The following KLRG1 variants were observed in gnomAD, a reference collection of about 807,000 sequenced individuals.
The protein encoded by KLRG1 is killer cell lectin like receptor G1.
KLRG1 carries 16 observed loss-of-function variants against 21.8 expected under a neutral mutation model. The ratio of observed to expected loss-of-function variants is 0.73; its 90% CI spans 0.50 to 1.11. The LOEUF (loss-of-function observed/expected upper bound fraction) is 1.11. Among genes scored for constraint, KLRG1 ranks in the 50% most tolerant of loss-of-function variants. The pLI is 0.00. For missense variants in KLRG1, 173 were observed against 218.3 expected (o/e 0.79, Z 1.31); for synonymous variants, 69 against 75.9 (o/e 0.91, Z 0.47).
chr12:9,170,695 G>T, the KLRG1 span, among the ~76,000 whole-genome samples: 4 of 152,194 alleles, frequency 2.6e-5, no homozygotes, highest in African/African-American at 9.7e-5. This position sits in a 1 kb window ranked among gnomAD's most constrained non-coding sequence, Gnocchi z 4.6. Flanking sequence ...ATGAGGAACG[G>T]TCCCCCACGA....
At chr12:9,092,244 T>C in the KLRG1 span, among the ~76,000 whole-genome samples, 1 of 152,068 alleles carries the variant, frequency 6.6e-6, no homozygotes, top group Non-Finnish European at 1.5e-5. Flanking sequence ...GAATAATTTG[T>C]CTATGCATCA....
At chr12:9,196,362 G>C in the KLRG1 span, 1 of 1,612,890 alleles carries the variant, frequency 6.2e-7, no homozygotes, top group Non-Finnish European at 8.5e-7. Flanking sequence ...TGTCTAAAGT[G>C]TGAATCCACT....
At chr12:9,131,488 G>T in the KLRG1 span, among the ~76,000 whole-genome samples, 3 of 151,914 alleles carry the variant, frequency 2.0e-5, no homozygotes, top group African/African-American at 4.8e-5. Context: ...TGTTATTCTA[G>T]TTATCACTTC....
chr12:9,047,489 G>T, the KLRG1 span, among the ~76,000 whole-genome samples: 124 of 152,236 alleles, frequency 8.1e-4, 1 homozygote, highest in African/African-American at 2.9e-3. Flanking sequence ...GTTAAAATCT[G>T]AGAAGGCAAA....
chr12:9,011,843 G>A (rs1947636187), downstream of KLRG1, among the ~76,000 whole-genome samples: 1 of 152,150 alleles, frequency 6.6e-6, no homozygotes, highest in Admixed American at 6.6e-5. Flanking sequence ...ATGGGACTTT[G>A]CAGTGGAACT....
chr12:9,074,770 A>G, the KLRG1 span: 1 of 1,612,636 alleles, frequency 6.2e-7, no homozygotes, highest in Non-Finnish European at 8.5e-7. Flanking sequence ...GGCGCTCCCA[A>G]TGGACAGAGT....
the KLRG1 span, chr12:9,153,108 T>A: frequency 6.2e-7 from 1 of 1,613,142 alleles, no homozygotes; most frequent in Admixed American, 1.7e-5. Context: ...CTCACCCATA[T>A]AAGCTTGGAG....
chr12:8,953,236 A>C (rs1946235326), intron 1 of KLRG1, among the ~76,000 whole-genome samples: 1 of 152,166 alleles, frequency 6.6e-6, no homozygotes, highest in Admixed American at 6.5e-5. Context: ...CGGAGAGGGG[A>C]TGTGGTAGGT....
intron 1 of KLRG1, among the ~76,000 whole-genome samples, chr12:8,981,524 A>G (rs1422087175): frequency 1.3e-5 from 2 of 151,950 alleles, no homozygotes; most frequent in African/African-American, 4.8e-5. Context: ...GTTATTCTTC[A>G]AAGTGGGTAT....
chr12:9,049,884 C>T, the KLRG1 span, among the ~76,000 whole-genome samples: 1,135 of 152,234 alleles, frequency 7.5e-3, 24 homozygotes, highest in African/African-American at 0.026. Flanking sequence ...ATATGCTATA[C>T]GTGTCTTATG....
the KLRG1 span, chr12:9,151,606 G>C: frequency 6.2e-7 from 1 of 1,613,284 alleles, no homozygotes. Context: ...GCCCTCACCT[G>C]TTCCACATAA....
the KLRG1 span, chr12:9,164,078 T>C: frequency 6.5e-7 from 1 of 1,538,878 alleles, no homozygotes. Context: ...AAAAAAGTAC[T>C]CAGACAGCCA....
the KLRG1 span, chr12:9,109,734 G>A: frequency 1.2e-6 from 1 of 840,746 alleles, no homozygotes; most frequent in East Asian, 2.5e-5. Context: ...ATTGGACTTA[G>A]GTGTAATTAA....
chr12:9,023,563 C>CCTTTTTTTTTTTAAGAGATGGT, the KLRG1 span, among the ~76,000 whole-genome samples: 1 of 150,844 alleles, frequency 6.6e-6, no homozygotes, highest in African/African-American at 2.4e-5. Context: ...ACTTTTTTTT[C>CCTTTTTTTTTTTAAGAGATGGT]CTTTTTTTTT....
chr12:9,169,036 T>G, the KLRG1 span: 1 of 1,238,280 alleles, frequency 8.1e-7, no homozygotes, highest in Non-Finnish European at 1.2e-6. Flanking sequence ...AAACATATTA[T>G]CCTTAGAGAC....
chr12:9,127,944 C>T, the KLRG1 span: 3 of 341,148 alleles, frequency 8.8e-6, no homozygotes, highest in Non-Finnish European at 1.8e-5. Context: ...TGAGAACTCC[C>T]GGATTGTCTT....
At chr12:9,099,421 T>A in the KLRG1 span, 13 of 1,578,998 alleles carry the variant, frequency 8.2e-6, no homozygotes, top group Non-Finnish European at 9.5e-6. Context: ...TTTTGCAGAA[T>A]CCCCAATCAC....
At chr12:8,993,501 G>A (rs561646751) in intron 2 of KLRG1, among the ~76,000 whole-genome samples, 44 of 151,944 alleles carry the variant, frequency 2.9e-4, no homozygotes, top group Non-Finnish European at 6.2e-4. Flanking sequence ...TGTTGGCCAG[G>A]CTGGTCTCGA....
chr12:9,203,673 C>T, the KLRG1 span: 2 of 1,427,440 alleles, frequency 1.4e-6, no homozygotes, highest in South Asian at 1.3e-5. Context: ...TAAAGTCATA[C>T]CTTGGGATCG....
Sources: gnomAD v4.1 joint callset for allele counts (sites outside exome capture counted in the v4.1 genomes callset) on GRCh38, gnomAD v4.1.1 for gene constraint, Gnocchi (gnomAD v3.1) non-coding constraint, MANE v1.5 for transcripts, NCBI Gene and HGNC (gene_info 2026-07-23, HGNC 2026-07-21) for gene names.